Variants in MAP3K13 observed in about 807,000 individuals in gnomAD.
The protein encoded by MAP3K13 is leucine zipper-bearing kinase.
Under a neutral mutation model 104.0 loss-of-function variants are expected in MAP3K13, and 52 were observed. The observed-to-expected ratio is 0.50, with a 90% CI of 0.40 to 0.63. MAP3K13 has a LOEUF of 0.63. Ranked by LOEUF, MAP3K13 falls within the 20% of genes least tolerant of loss-of-function variation. The pLI, the probability that MAP3K13 is intolerant of heterozygous loss-of-function variation, is 0.00. For missense variants in MAP3K13, 914 were observed against 1,218.5 expected (o/e 0.75, Z 3.72); for synonymous variants, 394 against 442.2 (o/e 0.89, Z 1.37).
At position 185,473,103 on chromosome 3, in the gene MAP3K13, G is replaced by A. The variant is rs777869754; in HGVS notation, c.1772G>A (p.Arg591His). 18 of 1,613,958 alleles carry A rather than the reference G, an allele frequency of 1.1e-5. No individual in the cohort carries two copies. Among genetic ancestry groups the A allele is most frequent in the African/African-American group, 6.7e-5 (5 of 74,854 alleles). ...CGATATCGAAGCAAACCACGCCACC[G>A]CCGAGGGAATAGCAGAGGCAGCCAT... The part of the protein sequence containing the change: ...KSRYRSKPRH[R>H]RGNSRGSHSD... The change falls in exon 11 of 14, where the codon CGC becomes CAC. Residue 591 changes from arginine to histidine, a missense_variant. Around this residue, in one of 3 missense-constraint regions of MAP3K13, gnomAD observed 583 missense variants for 737.4 expected, o/e 0.79. Coordinates refer to ENST00000265026, the MANE Select transcript of MAP3K13 (RefSeq NM_004721.5). This position sits in a 1 kb window ranked among gnomAD's most constrained non-coding sequence, Gnocchi z 4.9.
intron 9 of MAP3K13, among the ~76,000 whole-genome samples, chr3:185,466,474 T>C (rs2148917460): frequency 6.7e-6 from 1 of 149,822 alleles, no homozygotes; most frequent in South Asian, 2.1e-4. Context: ...CCTCCCGGAT[T>C]CAAGTGATTC....
chr3:185,332,597 C>T (rs1722327029), intron 2 of MAP3K13, among the ~76,000 whole-genome samples: 1 of 152,190 alleles, frequency 6.6e-6, no homozygotes, highest in African/African-American at 2.4e-5. Flanking sequence ...CTTTCTGTTT[C>T]AATGAATGAC....
chr3:185,376,763 G>A lies in MAP3K13; in HGVS notation c.-86+13395G>A, dbSNP rs1465653013. 2.0e-5 allele frequency among the ~76,000 whole-genome samples: 3 copies of A among 152,104 alleles called. No homozygotes were observed. The East Asian group carries it at 5.8e-4, about 29-fold the overall frequency. On this transcript the variant is annotated intron_variant, in intron 1 of 13. Transcript: ENST00000265026. ...GAAAGGAGTTGTTGTTTTGTAGAAG[G>A]GGTTGGGGTTTGGGAGATTAACCGG... is the stretch of plus-strand genomic sequence containing the variant.
rs9682594 is a variant in MAP3K13, at chr3:185,483,727, T to G, written c.*1271T>G. On this transcript the variant is annotated 3_prime_UTR_variant, in exon 14 of 14. Transcript: ENST00000265026. ...TTAGAAGTTCTTTTTTTTTTTTTTT[T>G]TTTTGACAGAGTTTTGCTCTTTTTG... The G allele has an allele frequency of 4.4e-4, 18 of 40,584 alleles. No individual in the cohort carries two copies. Among genetic ancestry groups the G allele is most frequent in the East Asian group, 1.2e-3 (1 of 862 alleles). The allele number at this position is 40,584 out of a possible 1,614,324, so 2.5% of individuals were successfully genotyped here.
intron 12 of MAP3K13, among the ~76,000 whole-genome samples, chr3:185,479,845 C>T (rs1718342065): frequency 6.6e-6 from 1 of 152,190 alleles, no homozygotes; most frequent in Non-Finnish European, 1.5e-5. Context: ...TGTTTCCTCA[C>T]ATGGTCTTTG....
At chr3:185,329,893 CTTTT>C (rs71162293) in intron 2 of MAP3K13, among the ~76,000 whole-genome samples, 16 of 104,674 alleles carry the variant, frequency 1.5e-4, no homozygotes, top group African/African-American at 6.0e-4. Context: ...AGCCAGTAGC[CTTTT>C]TTTTTTTTTT....
At chr3:185,358,314 A>G (rs964229120), upstream of MAP3K13, among the ~76,000 whole-genome samples, 3 of 152,214 alleles carry the variant, frequency 2.0e-5, no homozygotes, top group African/African-American at 7.2e-5. Flanking sequence ...CTTCAAGAAC[A>G]GAAAATTTTT....
rs116761609 is a variant in MAP3K13, at chr3:185,312,257, C to T, written c.-86+26614C>T. Among the ~76,000 whole-genome samples the T allele has an allele frequency of 8.2e-3, 1,251 of 152,352 alleles. 19 individuals are homozygous for T. The highest frequency in any genetic ancestry group is 0.029 in the African/African-American group (1,193 of 41,574). On this transcript the variant is annotated intron_variant, in intron 2 of 14. Coordinates refer to the MAP3K13 transcript ENST00000424227. ...CCTCCTCCAGTCAGGTCACATGACC[C>T]TCCAGAATTACTGCTGCTTTTCACT...
intron 2 of MAP3K13, among the ~76,000 whole-genome samples, chr3:185,296,943 A>G (rs1720937296): frequency 6.6e-6 from 1 of 152,238 alleles, no homozygotes; most frequent in South Asian, 2.1e-4. Flanking sequence ...TAAAGTGGGT[A>G]AAGTTAATGT....
At chr3:185,312,978 C>T (rs1721544748) in intron 2 of MAP3K13, among the ~76,000 whole-genome samples, 1 of 151,648 alleles carries the variant, frequency 6.6e-6, no homozygotes, top group Non-Finnish European at 1.5e-5. Flanking sequence ...TCATCTGAGC[C>T]CAGAAGTTCA....
upstream of MAP3K13, chr3:185,362,959 A>G (rs868540339): frequency 9.9e-5 from 21 of 211,740 alleles, no homozygotes; most frequent in African/African-American, 3.3e-4. Context: ...ACACACACGC[A>G]CACACACACA....
chr3:185,334,712 A>G (rs1157664404), intron 2 of MAP3K13, among the ~76,000 whole-genome samples: 3 of 151,884 alleles, frequency 2.0e-5, no homozygotes, highest in Non-Finnish European at 4.4e-5. Flanking sequence ...GGGTTCAAGC[A>G]ATTCTCCTGC....
At chr3:185,462,443 T>C (rs559863275) in intron 7 of MAP3K13, among the ~76,000 whole-genome samples, 1 of 152,276 alleles carries the variant, frequency 6.6e-6, no homozygotes, top group Admixed American at 6.5e-5. Flanking sequence ...CTTTGTCCTA[T>C]ATTGACCAAA....
intron 2 of MAP3K13, among the ~76,000 whole-genome samples, chr3:185,301,244 A>G (rs962202841): frequency 1.3e-5 from 2 of 151,284 alleles, no homozygotes; most frequent in East Asian, 1.9e-4. Context: ...ATCTTTTCAT[A>G]TGTTTGTCGG....
intron 2 of MAP3K13, among the ~76,000 whole-genome samples, chr3:185,354,918 A>G (rs1164108593): frequency 6.6e-6 from 1 of 152,174 alleles, no homozygotes; most frequent in African/African-American, 2.4e-5. Context: ...TTAACAGGTA[A>G]TGGATAGAAT....
At position 185,375,986 on chromosome 3, in the gene MAP3K13, G is replaced by C. The variant is rs751346665; in HGVS notation, c.-86+12618G>C. 2.6e-5 allele frequency among the ~76,000 whole-genome samples: 4 copies of C among 152,310 alleles called. No individual in the cohort carries two copies. The South Asian group carries it at 6.2e-4, about 24-fold the overall frequency. ...TTTGGCTTGCTGAGAGGTAGTGGAGGGGGGCAGAGCGGTAGCCTGAATGAT... is the reference window on the plus strand; with the variant it reads ...TTTGGCTTGCTGAGAGGTAGTGGAGCGGGGCAGAGCGGTAGCCTGAATGAT... On this transcript the variant is annotated intron_variant, in intron 1 of 13. Coordinates refer to ENST00000265026, the MANE Select transcript of MAP3K13 (RefSeq NM_004721.5).
chr3:185,363,143 ACAC>A lies in MAP3K13; in HGVS notation c.-307_-305del, dbSNP rs1289146272. 2.0e-6 allele frequency: 2 copies of A among 984,486 alleles called. No individual in the cohort carries two copies. The highest frequency in any genetic ancestry group is 1.1e-4 in the East Asian group (1 of 8,762). The allele number at this position is 984,486 out of a possible 1,614,324, so 61.0% of individuals were successfully genotyped here. ...GCCCCTCTTTTTTTTTTCATGACAC[ACAC>A]CACAGCGAAGTCTGTGCGGAATCCT... is the stretch of plus-strand genomic sequence containing the variant. On this transcript the variant is annotated 5_prime_UTR_variant, in exon 1 of 14. Coordinates refer to ENST00000265026, the MANE Select transcript of MAP3K13 (RefSeq NM_004721.5).
intron 2 of MAP3K13, among the ~76,000 whole-genome samples, chr3:185,295,343 T>G (rs1017597292): frequency 6.6e-6 from 1 of 152,146 alleles, no homozygotes; most frequent in African/African-American, 2.4e-5. Context: ...TAGCTGGGAT[T>G]ATAGGCGCCC....
At chr3:185,466,443 C>A (rs923784556) in intron 9 of MAP3K13, among the ~76,000 whole-genome samples, 2 of 128,854 alleles carry the variant, frequency 1.6e-5, no homozygotes, top group Admixed American at 9.7e-5. Flanking sequence ...GTGACATGAT[C>A]TCAGCTCACT....
Sources: gnomAD v4.1 joint callset for allele counts (sites outside exome capture counted in the v4.1 genomes callset) on GRCh38, gnomAD v4.1.1 for gene constraint, gnomAD v4.1.1 regional missense constraint, Gnocchi (gnomAD v3.1) non-coding constraint, MANE v1.5 for transcripts, NCBI Gene and HGNC (gene_info 2026-07-23, HGNC 2026-07-21) for gene names.